The following SLC6A18 variants were observed in gnomAD, a reference collection of about 807,000 sequenced individuals.
SLC6A18 encodes inactive sodium-dependent neutral amino acid transporter B(0)AT3.
A neutral mutation model predicts 62.9 loss-of-function variants in SLC6A18; 58 were observed. The observed-to-expected ratio is 0.92, with a 90% CI of 0.75 to 1.15. The LOEUF (loss-of-function observed/expected upper bound fraction) is 1.15. Ranked by LOEUF, SLC6A18 falls within the 50% of genes most tolerant of loss-of-function variation. The pLI, the probability that SLC6A18 is intolerant of heterozygous loss-of-function variation, is 0.00. For missense variants in SLC6A18, 793 were observed against 836.6 expected, an observed-to-expected ratio of 0.95 and a Z score of 0.64; for synonymous variants, 382 against 365.8, an observed-to-expected ratio of 1.04 and a Z score of -0.51.
chr5:1,234,026 C>G (rs1029529155), intron 3 of SLC6A18, among the ~76,000 whole-genome samples: 7 of 152,232 alleles, frequency 4.6e-5, no homozygotes, highest in East Asian at 1.9e-4. Flanking sequence ...CAGGCGTGAG[C>G]CACCGCGCCC....
In SLC6A18 at chr5:1,246,093, G is replaced by A. The variant is rs763546448; in HGVS notation, c.*15G>A. On this transcript the variant is annotated 3_prime_UTR_variant, in exon 12 of 12. Coordinates refer to ENST00000324642, the MANE Select transcript of SLC6A18 (RefSeq NM_182632.3). The stretch of plus-strand genomic sequence containing the variant: ...ACATGCGCTGAAGCCGGCCGGAGCG[G>A]GGCCTGCATGGGCGGGTCTGTGGGG... 1.3e-6 allele frequency: 2 copies of A among 1,546,120 alleles called. No individual in the cohort carries two copies. The highest frequency in any genetic ancestry group is 2.4e-5 in the East Asian group (1 of 41,556).
chr5:1,243,088 C>T lies in SLC6A18; in HGVS notation c.1131+225C>T, dbSNP rs1225889330. Among the ~76,000 whole-genome samples, 2 of 152,240 alleles carry T rather than the reference C, an allele frequency of 1.3e-5. No homozygotes were observed. Among genetic ancestry groups the T allele is most frequent in the African/African-American group, 4.8e-5 (2 of 41,466 alleles). On this transcript the variant is annotated intron_variant, in intron 8 of 11. Transcript: ENST00000324642. The surrounding 1 kb of genome is among the most constrained non-coding windows in gnomAD (Gnocchi z 6.5). ...TCCAGCAGACGCTGCACCCAGCAGT[C>T]TTGGGGGTTGGGCTGACCCGAGAGA...
chr5:1,229,009 A>G (rs1746655268), intron 1 of SLC6A18, among the ~76,000 whole-genome samples: 1 of 152,174 alleles, frequency 6.6e-6, no homozygotes, highest in African/African-American at 2.4e-5. Flanking sequence ...GCCCAGTGAG[A>G]CCCGTGCCCA....
Position 1,243,574 on chromosome 5 carries a change from T to G in SLC6A18, c.1151T>G (p.Leu384Arg), listed in dbSNP as rs1188025271. 6.2e-7 allele frequency: 1 copy of G among 1,613,758 alleles called. No individual in the cohort carries two copies. Among genetic ancestry groups the G allele is most frequent in the East Asian group, 2.2e-5 (1 of 44,880 alleles). ...TTGCAGAGTGCCTCGGGCCCGGGCC[T>G]GGCCTTCGTCGTCTTCACGGAGACC... is the stretch of plus-strand genomic sequence containing the variant. ...FLDKSASGPG[L>R]AFVVFTETDL... The change falls in exon 9 of 12, where the codon CTG (leucine) becomes CGG (arginine). Residue 384 changes from leucine to arginine, a missense_variant. By Grantham distance (102) the Leu-to-Arg change is moderately radical. Transcript: ENST00000324642. This position sits in a 1 kb window ranked among gnomAD's most constrained non-coding sequence, Gnocchi z 6.5.
intron 7 of SLC6A18, 78 bp from the exon 8 acceptor site, chr5:1,242,629 C>A (rs374915940): frequency 1.4e-5 from 22 of 1,528,268 alleles, no homozygotes; most frequent in Non-Finnish European, 1.9e-5. Flanking sequence ...TGCTGTGCTT[C>A]GCAGCACCAA....
At chr5:1,238,153 G>A in intron 5 of SLC6A18, 93 bp downstream of exon 5, 1 of 1,009,084 alleles carries the variant, frequency 9.9e-7, no homozygotes, top group Non-Finnish European at 1.5e-6. Flanking sequence ...GAGCGTGAGA[G>A]GCCAGGAGCC....
intron 3 of SLC6A18, among the ~76,000 whole-genome samples, chr5:1,235,014 G>A (rs1746846913): frequency 6.6e-6 from 1 of 152,232 alleles, no homozygotes; most frequent in Non-Finnish European, 1.5e-5. Context: ...GCATCAGCCT[G>A]TGGCCCCGTC....
chr5:1,240,692 G>A (rs753807568), intron 7 of SLC6A18, 33 bp downstream of exon 7: 23 of 1,610,098 alleles, frequency 1.4e-5, no homozygotes, highest in East Asian at 2.2e-5. Flanking sequence ...GCTCTGTGGG[G>A]CACAGCCGCC....
In SLC6A18 at chr5:1,225,432, G is replaced by A; in HGVS notation, c.-46G>A. 6.4e-7 allele frequency: 1 copy of A among 1,571,528 alleles called. No individual in the cohort carries two copies. Among genetic ancestry groups the A allele is most frequent in the Non-Finnish European group, 8.6e-7 (1 of 1,160,026 alleles). On this transcript the variant is annotated 5_prime_UTR_variant, in exon 1 of 12. Coordinates refer to ENST00000324642, the MANE Select transcript of SLC6A18 (RefSeq NM_182632.3). ...AGACGGCTCTCTAGTGCTGGGTGTG[G>A]AGTGAGGCACCACCCTTGCCCTGAA...
At position 1,245,862 on chromosome 5, in the gene SLC6A18, G is replaced by A. The variant is rs1375176489; in HGVS notation, c.1671G>A (p.Ser557=). 1 of 1,607,576 alleles carries A rather than the reference G, an allele frequency of 6.2e-7. No individual in the cohort carries two copies. Among genetic ancestry groups the A allele is most frequent in the South Asian group, 1.1e-5 (1 of 90,628 alleles). The change falls in exon 12 of 12, where the codon TCG becomes TCA. Residue 557 remains serine, a synonymous_variant. Coordinates refer to ENST00000324642, the MANE Select transcript of SLC6A18 (RefSeq NM_182632.3). ...TGGTCCCGCAGGAGCTGTTCCCCTC[G>A]CGTCAGGAGAAGCTCTACCCGGGCT... ...AWNPKYELFP[S]RQEKLYPGWA...
In SLC6A18 at chr5:1,244,203, CA is replaced by C; in HGVS notation, c.1337-10del. ...CCCCTTACCCCCCACACCCCTTTCC[CA>C]CTGCCCCAGGGCTGGTCTGCCTGGT... On this transcript the variant is annotated splice_polypyrimidine_tract_variant and intron_variant, in intron 9 of 11. Transcript: ENST00000324642. 1 of 1,604,682 alleles carries C rather than the reference CA, an allele frequency of 6.2e-7. No homozygotes were observed.
chr5:1,236,122 GC>G (rs765456280), intron 4 of SLC6A18, among the ~76,000 whole-genome samples: 1 of 138,914 alleles, frequency 7.2e-6, no homozygotes, highest in Admixed American at 7.4e-5. Flanking sequence ...GTTTCCATGT[GC>G]CCCATCTGTT....
chr5:1,237,185 G>C (rs757945135), intron 4 of SLC6A18, among the ~76,000 whole-genome samples: 1 of 146,174 alleles, frequency 6.8e-6, no homozygotes, highest in Non-Finnish European at 1.5e-5. Flanking sequence ...AGGTTGCAGT[G>C]AGCCGAGATT....
In SLC6A18 at chr5:1,246,042, A is replaced by AGACACGGACATGCGCCCG. The variant is rs763392207; in HGVS notation, c.1867_1884dup (p.Pro623_Arg628dup). On this transcript the variant is annotated inframe_insertion, in exon 12 of 12. Coordinates refer to ENST00000324642, the MANE Select transcript of SLC6A18 (RefSeq NM_182632.3). ...TGCGCCCGGACACGGACACGCGCCC[A>AGACACGGACATGCGCCCG]GACACGGACATGCGCCCGGACACGG... The AGACACGGACATGCGCCCG allele has an allele frequency of 2.1e-5, 34 of 1,592,140 alleles. No individual in the cohort carries two copies. Among genetic ancestry groups the AGACACGGACATGCGCCCG allele is most frequent in the Middle Eastern group, 1.7e-4 (1 of 5,998 alleles).
Position 1,232,895 on chromosome 5 carries a change from T to C in SLC6A18, c.439+7T>C, listed in dbSNP as rs755204542. On this transcript the variant is annotated splice_region_variant and intron_variant, in intron 3 of 11. Coordinates refer to ENST00000324642, the MANE Select transcript of SLC6A18 (RefSeq NM_182632.3). Reference sequence around the variant, plus strand: ...CCGGACCTCAACAGAACAGGTGAGCTGGGCGCCGCCTGCTGTGTGGGTCCG... The same window carrying C: ...CCGGACCTCAACAGAACAGGTGAGCCGGGCGCCGCCTGCTGTGTGGGTCCG... 60 of 1,606,866 alleles carry C rather than the reference T, an allele frequency of 3.7e-5. No individual in the cohort carries two copies. The highest frequency in any genetic ancestry group is 5.1e-5 in the Non-Finnish European group (60 of 1,176,080).
At chr5:1,236,359 G>A (rs529152690) in intron 4 of SLC6A18, among the ~76,000 whole-genome samples, 3 of 152,082 alleles carry the variant, frequency 2.0e-5, no homozygotes, top group East Asian at 1.9e-4. Context: ...CAGGCTTTGC[G>A]CTATTGTTGT....
rs1747203763 is a variant in SLC6A18, at chr5:1,245,864, G to A, written c.1673G>A (p.Arg558His). Residue 558 changes from arginine to histidine, a missense_variant, in exon 12 of 12, where the codon CGT becomes CAT. Arg to His is a conservative substitution (Grantham distance 29). Transcript: ENST00000324642. ...GTCCCGCAGGAGCTGTTCCCCTCGC[G>A]TCAGGAGAAGCTCTACCCGGGCTGG... The part of the protein sequence containing the change: ...WNPKYELFPS[R>H]QEKLYPGWAR... 3.1e-6 allele frequency: 5 copies of A among 1,607,760 alleles called. No homozygotes were observed. In the South Asian group the frequency reaches 3.3e-5, roughly 11 times the overall value.
intron 4 of SLC6A18, among the ~76,000 whole-genome samples, chr5:1,237,426 C>T (rs1403250224): frequency 1.3e-5 from 2 of 151,830 alleles, no homozygotes; most frequent in African/African-American, 2.4e-5. Flanking sequence ...AGAAGGGGTA[C>T]AGGGTAGGTG....
rs1746998970 is a variant in SLC6A18 at position 1,239,562 on chromosome 5, G to C, written c.845G>C (p.Arg282Thr). ...GCTTTTGCAAGTTACAACTCGCCCA[G>C]GTAGGCAGTCGGGCTCAGCTGTCCA... The part of the protein sequence containing the change: ...HIAFASYNSP[R>T]NDCQKDAVVI... The change falls in exon 6 of 12, where the codon AGG (arginine) becomes ACG (threonine). Residue 282 changes from arginine to threonine, a missense_variant and splice_region_variant. Arg to Thr is a moderately conservative substitution (Grantham distance 71). Transcript: ENST00000324642. 6.2e-7 allele frequency: 1 copy of C among 1,612,664 alleles called. No individual in the cohort carries two copies.
Sources: gnomAD v4.1 joint callset for allele counts (sites outside exome capture counted in the v4.1 genomes callset) on GRCh38, gnomAD v4.1.1 for gene constraint, Gnocchi (gnomAD v3.1) non-coding constraint, MANE v1.5 for transcripts, NCBI Gene and HGNC (gene_info 2026-07-23, HGNC 2026-07-21) for gene names.